RELCH: variants seen among roughly 807,000 people sequenced by gnomAD.
RELCH encodes the protein RAB11-binding protein RELCH.
In RELCH, 41 loss-of-function variants were observed where a neutral mutation model predicts 150.3. The observed-to-expected ratio is 0.27, with a 90% CI of 0.21 to 0.35. RELCH has a LOEUF of 0.35. RELCH is among the 10% of genes least tolerant of loss of function. The probability of loss-of-function intolerance (pLI) is 1.00; values close to 1 mark genes in which losing one functional copy is unlikely to be tolerated. For missense variants in RELCH, 1,092 were observed against 1,467.8 expected, an observed-to-expected ratio of 0.74 and a Z score of 4.18; for synonymous variants, 478 against 531.8, an observed-to-expected ratio of 0.90 and a Z score of 1.39.
At chr18:62,238,749 C>T (rs1422404740) in intron 10 of RELCH, among the ~76,000 whole-genome samples, 2 of 151,924 alleles carry the variant, frequency 1.3e-5, no homozygotes. Flanking sequence ...AATGGTTGTA[C>T]AACTCTGAAT....
At chr18:62,191,695 C>T (rs1205947834) in intron 1 of RELCH, among the ~76,000 whole-genome samples, 1 of 152,210 alleles carries the variant, frequency 6.6e-6, no homozygotes, top group East Asian at 1.9e-4. Context: ...CCAGCTCCAT[C>T]TATGTGCCTG....
chr18:62,220,117 C>G (rs1221855891), intron 2 of RELCH, among the ~76,000 whole-genome samples: 1 of 152,032 alleles, frequency 6.6e-6, no homozygotes, highest in African/African-American at 2.4e-5. Flanking sequence ...ATATTTATGT[C>G]ATAATCACAC....
At chr18:62,288,615 G>A (rs553800805) in intron 26 of RELCH, among the ~76,000 whole-genome samples, 5 of 152,186 alleles carry the variant, frequency 3.3e-5, no homozygotes, top group Non-Finnish European at 7.4e-5. Context: ...TGGCCTAATC[G>A]TGAGGAGGAT....
At chr18:62,242,839 A>AGT (rs150207317) in intron 10 of RELCH, among the ~76,000 whole-genome samples, 3,971 of 151,530 alleles carry the variant, frequency 0.026, 144 homozygotes, top group East Asian at 0.18. Context: ...CTACATTTTA[A>AGT]GTGTGTGTGT....
intron 2 of RELCH, 126 bp downstream of exon 2, chr18:62,211,368 T>G: frequency 1.9e-6 from 1 of 517,808 alleles, no homozygotes. Context: ...TTATACAAAG[T>G]TATGTTACTA....
At chr18:62,258,146 A>G (rs1420813774) in intron 14 of RELCH, 58 bp downstream of exon 14, 5 of 1,381,292 alleles carry the variant, frequency 3.6e-6, no homozygotes, top group African/African-American at 1.5e-5. Flanking sequence ...GTATTATAAT[A>G]TTCCAAATCT....
chr18:62,217,503 C>T (rs1052618229), intron 2 of RELCH, among the ~76,000 whole-genome samples: 1 of 151,830 alleles, frequency 6.6e-6, no homozygotes, highest in African/African-American at 2.4e-5. Flanking sequence ...TCAGGTTTCC[C>T]ATTTGGCCAA....
In RELCH at chr18:62,266,462, C is replaced by T. The variant is rs111956408; in HGVS notation, c.2632-239C>T. Reference sequence around the variant, plus strand: ...AATAAAAGAAACCAGAGGCCATTCACTTGTTGACTTGAGTTGATTTTTTCA... The same window carrying T: ...AATAAAAGAAACCAGAGGCCATTCATTTGTTGACTTGAGTTGATTTTTTCA... On this transcript the variant is annotated intron_variant, in intron 18 of 28. Coordinates refer to ENST00000644646, the MANE Select transcript of RELCH (RefSeq NM_001346231.2). Among the ~76,000 whole-genome samples, 1,074 of 151,942 alleles carry T rather than the reference C, an allele frequency of 7.1e-3. 14 individuals carry two copies. Among genetic ancestry groups the T allele is most frequent in the African/African-American group, 0.025 (1,026 of 41,514 alleles).
At chr18:62,206,647 G>C (rs2039803550) in intron 1 of RELCH, among the ~76,000 whole-genome samples, 2 of 152,142 alleles carry the variant, frequency 1.3e-5, no homozygotes, top group Non-Finnish European at 2.9e-5. Context: ...GTTGACAATA[G>C]CCTCTTATTT....
chr18:62,245,917 G>C (rs1001764613), intron 11 of RELCH: 4 of 152,108 alleles, frequency 2.6e-5, no homozygotes, highest in Admixed American at 2.6e-4. Flanking sequence ...ATCATCTGTT[G>C]ACTAGAAAAC....
Position 62,305,339 on chromosome 18 carries a change from T to C in RELCH, c.3531-75T>C, listed in dbSNP as rs775809138. ...CGCCAATTCAGAGTGTGTTCGTTAA[T>C]GATATGCTACTAAATAAATGAAAAA... On this transcript the variant is annotated intron_variant, in intron 28 of 28. Coordinates refer to ENST00000644646, the MANE Select transcript of RELCH (RefSeq NM_001346231.2). The surrounding 1 kb of genome is among the most constrained non-coding windows in gnomAD (Gnocchi z 4.0). The C allele has an allele frequency of 2.3e-6, 3 of 1,313,960 alleles. No homozygotes were observed. In the African/African-American group the frequency reaches 4.5e-5, roughly 20 times the overall value. The allele number at this position is 1,313,960 out of a possible 1,614,324, so 81.4% of individuals were successfully genotyped here. A position where few individuals can be genotyped will look rare whatever the true frequency, so the allele number is the denominator to read the frequency against.
At chr18:62,214,790 A>G (rs2040385065) in intron 2 of RELCH, among the ~76,000 whole-genome samples, 2 of 152,142 alleles carry the variant, frequency 1.3e-5, no homozygotes, top group Non-Finnish European at 2.9e-5. Context: ...TGGAGTGGCC[A>G]AGGAGTACTG....
chr18:62,255,824 G>C (rs2042968725), intron 13 of RELCH, among the ~76,000 whole-genome samples: 1 of 151,994 alleles, frequency 6.6e-6, no homozygotes, highest in Non-Finnish European at 1.5e-5. Flanking sequence ...TCACTGTGTT[G>C]AAATTTGTAT....
intron 1 of RELCH, among the ~76,000 whole-genome samples, chr18:62,194,617 A>G (rs1310499634): frequency 3.3e-5 from 5 of 152,196 alleles, no homozygotes; most frequent in Non-Finnish European, 5.9e-5. Flanking sequence ...CACACAAATT[A>G]TATTGTCTAG....
intron 1 of RELCH, among the ~76,000 whole-genome samples, chr18:62,209,247 G>T (rs2040005534): frequency 6.6e-6 from 1 of 152,136 alleles, no homozygotes. Context: ...ATGATGATTT[G>T]CTTCTGCATT....
chr18:62,227,417 A>C lies in RELCH; in HGVS notation c.987A>C (p.Glu329Asp), dbSNP rs1313752829. Residue 329 changes from glutamate to aspartate, a missense_variant, in exon 6 of 29, where the codon GAA becomes GAC. By Grantham distance (45) the Glu-to-Asp change is conservative (BLOSUM62 2). Around this residue, in one of 4 missense-constraint regions of RELCH, gnomAD observed 57 missense variants for 41.5 expected, o/e 1.37. Transcript: ENST00000644646. Reference protein sequence around the residue: ...KDLVDVASGVEEDELEALTPI... With the variant: ...KDLVDVASGVDEDELEALTPI... ...TTGTAGATGTGGCCAGTGGAGTAGA[A>C]GAAGATGAATTAGAGGCCCTTACAC... 1 of 1,613,400 alleles carries C rather than the reference A, an allele frequency of 6.2e-7. No homozygotes were observed. Among genetic ancestry groups the C allele is most frequent in the Admixed American group, 1.7e-5 (1 of 59,880 alleles).
chr18:62,240,408 C>CTTTTTTTTTT (rs199932427), intron 10 of RELCH, among the ~76,000 whole-genome samples: 2 of 139,570 alleles, frequency 1.4e-5, no homozygotes, highest in Admixed American at 7.0e-5. Context: ...TTTTTTTTTT[C>CTTTTTTTTTT]TTTTTCTTTT....
At chr18:62,266,609 T>C in intron 18 of RELCH, 92 bp from the exon 19 acceptor site, 2 of 703,622 alleles carry the variant, frequency 2.8e-6, no homozygotes, top group Non-Finnish European at 4.9e-6. Flanking sequence ...AATAAATAAA[T>C]GAATAGTAGT....
chr18:62,232,456 A>G (rs774522920), intron 10 of RELCH, 29 bp downstream of exon 10: 51 of 1,321,690 alleles, frequency 3.9e-5, no homozygotes, highest in Non-Finnish European at 5.2e-5. Flanking sequence ...TTTTCGTCCC[A>G]GTAATCCCAT....
Sources: allele counts gnomAD v4.1 joint callset (sites outside exome capture counted in the v4.1 genomes callset), GRCh38; gene constraint gnomAD v4.1.1; regional missense constraint gnomAD v4.1.1; non-coding constraint Gnocchi (gnomAD v3.1); transcripts MANE v1.5; gene names NCBI Gene and HGNC (gene_info 2026-07-23, HGNC 2026-07-21).